The following SPOCK1 variants were observed in gnomAD, a reference collection of about 807,000 sequenced individuals.
SPOCK1 encodes SPARC (osteonectin), cwcv and kazal like domains proteoglycan 1.
SPOCK1 carries 23 observed loss-of-function variants against 55.3 expected under a neutral mutation model. That is an observed-to-expected ratio of 0.42 (90% CI 0.30 to 0.59). The LOEUF (loss-of-function observed/expected upper bound fraction) is 0.59, where lower values mean the gene tolerates loss of function less well. Among genes scored for constraint, SPOCK1 ranks in the 20% least tolerant of loss-of-function variants. The pLI is 0.22. For missense variants in SPOCK1, 499 were observed against 552.5 expected (o/e 0.90, Z 0.97); for synonymous variants, 226 against 221.0 (o/e 1.02, Z -0.20).
intron 2 of SPOCK1, among the ~76,000 whole-genome samples, chr5:137,422,768 G>A (rs1346241159): frequency 2.0e-5 from 3 of 152,164 alleles, no homozygotes; most frequent in Non-Finnish European, 4.4e-5. Flanking sequence ...ATCGTCTGAA[G>A]CCTTCTTCTC....
At chr5:137,436,542 T>TA (rs1372445502) in intron 2 of SPOCK1, among the ~76,000 whole-genome samples, 2 of 152,190 alleles carry the variant, frequency 1.3e-5, no homozygotes, top group African/African-American at 4.8e-5. Flanking sequence ...AATGTAAATC[T>TA]CCTCTATTAT....
At chr5:137,164,976 C>G (rs976191552) in intron 3 of SPOCK1, among the ~76,000 whole-genome samples, 1 of 152,224 alleles carries the variant, frequency 6.6e-6, no homozygotes, top group Non-Finnish European at 1.5e-5. Context: ...TGGACCTGCC[C>G]AGGTCCTGGG....
intron 4 of SPOCK1, among the ~76,000 whole-genome samples, chr5:137,114,565 T>C (rs889301251): frequency 1.3e-5 from 2 of 152,200 alleles, no homozygotes; most frequent in Non-Finnish European, 2.9e-5. Context: ...CCTCCTATTA[T>C]CCTTCATCAA....
chr5:137,063,224 A>G (rs1431786979), intron 6 of SPOCK1, among the ~76,000 whole-genome samples: 8 of 139,794 alleles, frequency 5.7e-5, no homozygotes, highest in Non-Finnish European at 9.3e-5. Context: ...TGGGCGACAG[A>G]GCGAGACTCC....
chr5:136,999,039 G>T (rs961223350), intron 6 of SPOCK1, among the ~76,000 whole-genome samples: 1 of 152,162 alleles, frequency 6.6e-6, no homozygotes, highest in Non-Finnish European at 1.5e-5. Context: ...TCTCCACCTG[G>T]CCACCTTTGC....
chr5:137,236,867 G>C (rs1007347199), intron 3 of SPOCK1, among the ~76,000 whole-genome samples: 3 of 152,170 alleles, frequency 2.0e-5, no homozygotes, highest in African/African-American at 7.2e-5. Context: ...ATATAATGAA[G>C]AGCTCATTTC....
chr5:137,065,515 G>A (rs953259611), intron 6 of SPOCK1, among the ~76,000 whole-genome samples: 5 of 152,128 alleles, frequency 3.3e-5, no homozygotes, highest in African/African-American at 1.2e-4. Context: ...CTTCCAAGGT[G>A]GTATTTCTTA....
intron 2 of SPOCK1, among the ~76,000 whole-genome samples, chr5:137,356,618 CCT>C (rs1346872147): frequency 1.3e-5 from 2 of 150,590 alleles, no homozygotes; most frequent in Non-Finnish European, 3.0e-5. Context: ...TGGCAAAACC[CCT>C]GTCTCTACTA....
In SPOCK1 at chr5:137,131,592, A is replaced by G. The variant is rs1753877650; in HGVS notation, c.347+8988T>C. ...CACTGCACTCCAGCCTGGGCAACAG[A>G]GTGAGACTCCATCTCAAAAAAATAA... is the stretch of plus-strand genomic sequence containing the variant. On this transcript the variant is annotated intron_variant, in intron 4 of 10. Coordinates refer to ENST00000394945, the MANE Select transcript of SPOCK1 (RefSeq NM_004598.4). 6.0e-5 allele frequency among the ~76,000 whole-genome samples: 9 copies of G among 150,712 alleles called. No homozygotes were observed. The Admixed American group carries it at 6.0e-4, about 10-fold the overall frequency.
chr5:137,126,533 C>T (rs1317774615), intron 4 of SPOCK1, among the ~76,000 whole-genome samples: 1 of 152,156 alleles, frequency 6.6e-6, no homozygotes, highest in Non-Finnish European at 1.5e-5. Context: ...GAGGCCAAAG[C>T]GGGTGGATCA....
chr5:137,032,483 GA>G (rs1330302527), intron 6 of SPOCK1, among the ~76,000 whole-genome samples: 2 of 152,134 alleles, frequency 1.3e-5, no homozygotes, highest in African/African-American at 4.8e-5. Flanking sequence ...GAACAGGCAA[GA>G]AAGCTTGTGA....
At chr5:137,052,020 G>T (rs925512513) in intron 6 of SPOCK1, among the ~76,000 whole-genome samples, 3 of 152,216 alleles carry the variant, frequency 2.0e-5, no homozygotes, top group African/African-American at 7.2e-5. Flanking sequence ...GATGTAAGCA[G>T]AACTGTATCC....
chr5:137,485,157 G>A (rs1025766781), intron 2 of SPOCK1, among the ~76,000 whole-genome samples: 61 of 152,076 alleles, frequency 4.0e-4, no homozygotes, highest in African/African-American at 1.2e-3. Context: ...ATTCGGAAAA[G>A]AACAATGTAA....
At chr5:137,280,299 T>C (rs1757142727) in intron 2 of SPOCK1, among the ~76,000 whole-genome samples, 1 of 152,256 alleles carries the variant, frequency 6.6e-6, no homozygotes, top group Non-Finnish European at 1.5e-5. Context: ...AATACTTCTA[T>C]GTTTTCATTT....
At chr5:137,034,756 C>G (rs573439619) in intron 6 of SPOCK1, among the ~76,000 whole-genome samples, 2 of 152,242 alleles carry the variant, frequency 1.3e-5, no homozygotes, top group South Asian at 4.1e-4. Flanking sequence ...TCAGTCCAAA[C>G]AGGAGCCATG....
chr5:137,413,487 A>T, intron 2 of SPOCK1, among the ~76,000 whole-genome samples: 1 of 151,678 alleles, frequency 6.6e-6, no homozygotes, highest in East Asian at 1.9e-4. Flanking sequence ...GATGAATGGG[A>T]TTTCTATTCA....
chr5:137,258,906 C>A (rs1028898271), intron 3 of SPOCK1, among the ~76,000 whole-genome samples: 4 of 152,160 alleles, frequency 2.6e-5, no homozygotes, highest in Non-Finnish European at 4.4e-5. Context: ...GTTCTAGGGG[C>A]ACAGAGTCCT....
intron 2 of SPOCK1, among the ~76,000 whole-genome samples, chr5:137,488,870 G>A (rs779708060): frequency 6.6e-6 from 1 of 152,042 alleles, no homozygotes; most frequent in Non-Finnish European, 1.5e-5. Flanking sequence ...ACACAGGAAG[G>A]GTTTCAGAAG....
chr5:137,328,301 G>A (rs751516083), intron 2 of SPOCK1, among the ~76,000 whole-genome samples: 5 of 152,226 alleles, frequency 3.3e-5, no homozygotes, highest in Middle Eastern at 3.2e-3. Context: ...CAGAGATGGC[G>A]GGAAGAGGAT....
Sources: allele counts gnomAD v4.1 joint callset (sites outside exome capture counted in the v4.1 genomes callset), GRCh38; gene constraint gnomAD v4.1.1; transcripts MANE v1.5; gene names NCBI Gene and HGNC (gene_info 2026-07-23, HGNC 2026-07-21).